Variants in ARFGEF1 observed in about 807,000 individuals in gnomAD.
ARFGEF1 encodes ARF guanine nucleotide exchange factor 1, also known as brefeldin A-inhibited guanine nucleotide-exchange protein 1.
In ARFGEF1, 42 loss-of-function variants were observed where a neutral mutation model predicts 231.0. That is an observed-to-expected ratio of 0.18 (90% CI 0.14 to 0.24). ARFGEF1 has a LOEUF of 0.24. ARFGEF1 is among the 10% of genes least tolerant of loss of function. The probability of loss-of-function intolerance (pLI) is 1.00; values close to 1 mark genes in which losing one functional copy is unlikely to be tolerated. For synonymous variants in ARFGEF1, 710 were observed against 732.3 expected (o/e 0.97, Z 0.49); for missense variants, 1,345 against 2,192.0 (o/e 0.61, Z 7.72).
At chr8:67,210,898 C>T (rs1274694357) in intron 34 of ARFGEF1, among the ~76,000 whole-genome samples, 2 of 150,014 alleles carry the variant, frequency 1.3e-5, no homozygotes, top group African/African-American at 4.9e-5. Flanking sequence ...ACTAAAACTA[C>T]AAAAATCAGC....
At chr8:67,186,970 CATCTATCTATCTATCTATCT>C (rs59504632) in intron 5 of ARFGEF1, among the ~76,000 whole-genome samples, 14 of 149,870 alleles carry the variant, frequency 9.3e-5, no homozygotes, top group South Asian at 4.3e-4. Context: ...ATCTATCTAT[CATCTATCTATCTATCTATCT>C]ATCTATCTAT....
At chr8:67,300,049 A>G (rs928308207) in intron 3 of ARFGEF1, among the ~76,000 whole-genome samples, 3 of 152,170 alleles carry the variant, frequency 2.0e-5, no homozygotes, top group African/African-American at 7.2e-5. Context: ...AATTATCTTC[A>G]TGCTTTTATA....
chr8:67,293,014 T>C (rs1049902126), intron 5 of ARFGEF1, among the ~76,000 whole-genome samples: 2 of 152,170 alleles, frequency 1.3e-5, no homozygotes, highest in Non-Finnish European at 2.9e-5. Context: ...AGATTTGCTT[T>C]GTAAGGAGTT....
At chr8:67,343,107 G>GGCCCCC in intron 1 of ARFGEF1, 57 bp downstream of exon 1, 1 of 426,108 alleles carries the variant, frequency 2.3e-6, no homozygotes, top group Non-Finnish European at 3.5e-6. Flanking sequence ...CCCCACAGGC[G>GGCCCCC]CCCCCCTCCC....
At chr8:67,252,718 G>A (rs888691316) in intron 18 of ARFGEF1, among the ~76,000 whole-genome samples, 2 of 152,120 alleles carry the variant, frequency 1.3e-5, no homozygotes, top group African/African-American at 2.4e-5. Flanking sequence ...GTGTCTAGAA[G>A]GGGGCTGGGT....
intron 1 of ARFGEF1, among the ~76,000 whole-genome samples, chr8:67,339,811 T>G: frequency 2.3e-5 from 1 of 43,836 alleles, no homozygotes; most frequent in Non-Finnish European, 4.6e-5. Flanking sequence ...GGGGGATTCT[T>G]TCTTTTTTAA....
intron 7 of ARFGEF1, among the ~76,000 whole-genome samples, chr8:67,281,731 G>A (rs1161090658): frequency 1.3e-5 from 2 of 151,948 alleles, no homozygotes; most frequent in Non-Finnish European, 2.9e-5. Flanking sequence ...AGTTCAGAAG[G>A]TGACCAAATA....
At chr8:67,178,426 C>T (rs1053468295) in intron 5 of ARFGEF1, among the ~76,000 whole-genome samples, 6 of 152,146 alleles carry the variant, frequency 3.9e-5, no homozygotes, top group African/African-American at 1.2e-4. Flanking sequence ...TTCTAGGTGC[C>T]GGGGTATAGG....
At chr8:67,217,742 T>A (rs1214913437) in intron 32 of ARFGEF1, 40 bp downstream of exon 32, 1 of 1,595,098 alleles carries the variant, frequency 6.3e-7, no homozygotes, top group East Asian at 2.2e-5. Context: ...ACTCATTCAA[T>A]ATACAAATAT....
chr8:67,327,695 T>C (rs1387893507), intron 1 of ARFGEF1, among the ~76,000 whole-genome samples: 1 of 152,234 alleles, frequency 6.6e-6, no homozygotes, highest in Non-Finnish European at 1.5e-5. Context: ...TGTTACTTGG[T>C]ATGATTATAT....
At chr8:67,321,488 T>G (rs1807590910) in intron 1 of ARFGEF1, among the ~76,000 whole-genome samples, 1 of 151,930 alleles carries the variant, frequency 6.6e-6, no homozygotes, top group Non-Finnish European at 1.5e-5. Context: ...TGAGATGGAG[T>G]CTCGCTCTGT....
intron 1 of ARFGEF1, among the ~76,000 whole-genome samples, chr8:67,317,496 T>C (rs1165754812): frequency 6.6e-6 from 1 of 150,810 alleles, no homozygotes; most frequent in African/African-American, 2.4e-5. Flanking sequence ...CAAATATCAC[T>C]CATGAATATA....
intron 3 of ARFGEF1, among the ~76,000 whole-genome samples, chr8:67,299,710 C>T (rs1806391710): frequency 6.6e-6 from 1 of 152,146 alleles, no homozygotes; most frequent in Non-Finnish European, 1.5e-5. Context: ...CTTTGGGAGG[C>T]CTGCTTGCCT....
intron 17 of ARFGEF1, among the ~76,000 whole-genome samples, chr8:67,257,265 G>A (rs1264127405): frequency 6.6e-6 from 1 of 152,042 alleles, no homozygotes; most frequent in Non-Finnish European, 1.5e-5. Context: ...ATATTTTGTA[G>A]AGACAGGGTT....
At chr8:67,209,373 A>G (rs1563837383) in intron 34 of ARFGEF1, among the ~76,000 whole-genome samples, 1 of 152,240 alleles carries the variant, frequency 6.6e-6, no homozygotes, top group African/African-American at 2.4e-5. Context: ...TATGCAGAAT[A>G]GGCAATTCAC....
In ARFGEF1 at chr8:67,277,424, G is replaced by A; in HGVS notation, c.1061C>T (p.Ala354Val). Residue 354 changes from alanine to valine, a missense_variant, in exon 8 of 39, where the codon GCA (alanine) becomes GTA (valine). This residue lies in a region of ARFGEF1 where 398 missense variants were observed against 463.2 expected (regional missense o/e 0.86). Coordinates refer to ENST00000262215, the MANE Select transcript of ARFGEF1 (RefSeq NM_006421.5). Reference sequence around the variant, plus strand: ...CTCTATAGTTCCAATGTTGCCATCTGCACTTGCATTTATAGTAGTCCCTTC... The same window carrying A: ...CTCTATAGTTCCAATGTTGCCATCTACACTTGCATTTATAGTAGTCCCTTC... ...MGEGTTINAS[A>V]DGNIGTIEDG... 1 of 1,613,536 alleles carries A rather than the reference G, an allele frequency of 6.2e-7. No individual in the cohort carries two copies. Among genetic ancestry groups the A allele is most frequent in the Non-Finnish European group, 8.5e-7 (1 of 1,179,678 alleles).
At chr8:67,336,873 G>A (rs1318540102) in intron 1 of ARFGEF1, among the ~76,000 whole-genome samples, 1 of 151,898 alleles carries the variant, frequency 6.6e-6, no homozygotes, top group South Asian at 2.1e-4. Flanking sequence ...GCTCACGCCT[G>A]TAATCCCAGC....
chr8:67,192,506 T>G (rs752981388), intron 5 of ARFGEF1, among the ~76,000 whole-genome samples: 4 of 152,372 alleles, frequency 2.6e-5, no homozygotes, highest in Admixed American at 6.5e-5. Flanking sequence ...TTAACTTTCT[T>G]GATGGTGTTC....
downstream of ARFGEF1, chr8:67,175,147 A>T: frequency 1.5e-6 from 1 of 648,144 alleles, no homozygotes; most frequent in Non-Finnish European, 2.8e-6. Context: ...TGGCTATTTT[A>T]CTGTCCTTTG....
Sources: gnomAD v4.1 joint callset for allele counts (sites outside exome capture counted in the v4.1 genomes callset) on GRCh38, gnomAD v4.1.1 for gene constraint, gnomAD v4.1.1 regional missense constraint, MANE v1.5 for transcripts, NCBI Gene and HGNC (gene_info 2026-07-23, HGNC 2026-07-21) for gene names.